The following CDK14 variants were observed in gnomAD, a reference collection of about 807,000 sequenced individuals.
The protein encoded by CDK14 is cyclin-dependent kinase 14.
Under a neutral mutation model 60.7 loss-of-function variants are expected in CDK14, and 34 were observed. The ratio of observed to expected loss-of-function variants is 0.56; its 90% CI spans 0.43 to 0.75. The LOEUF (loss-of-function observed/expected upper bound fraction) is 0.75, where lower values mean the gene tolerates loss of function less well. CDK14 is among the 30% of genes least tolerant of loss of function. The probability of loss-of-function intolerance (pLI) is 0.00; values close to 1 mark genes in which losing one functional copy is unlikely to be tolerated. For missense variants in CDK14, 482 were observed against 564.1 expected, an observed-to-expected ratio of 0.85 and a Z score of 1.47; for synonymous variants, 197 against 203.7, an observed-to-expected ratio of 0.97 and a Z score of 0.28.
At chr7:90,934,673 T>A (rs1793696530) in intron 8 of CDK14, among the ~76,000 whole-genome samples, 1 of 152,250 alleles carries the variant, frequency 6.6e-6, no homozygotes, top group Admixed American at 6.5e-5. Context: ...AATTCAGTGA[T>A]CTATTTTAGC....
chr7:90,955,917 G>A lies in CDK14; in HGVS notation c.947+100G>A, dbSNP rs137914774. ...AACAGTTTGAATGAAGATTAATGGTGCAGGAGTGTTTGCCTGCATGTGGCC... is the reference window on the plus strand; with the variant it reads ...AACAGTTTGAATGAAGATTAATGGTACAGGAGTGTTTGCCTGCATGTGGCC... On this transcript the variant is annotated intron_variant, in intron 9 of 14. Coordinates refer to ENST00000380050, the MANE Select transcript of CDK14 (RefSeq NM_001287135.2). The A allele has an allele frequency of 2.1e-5, 30 of 1,407,846 alleles. No homozygotes were observed. In the African/African-American group the frequency reaches 2.6e-4, roughly 12 times the overall value. 87.2% of individuals were successfully genotyped at this position (1,407,846 alleles called of 1,614,324 possible).
chr7:91,181,593 A>G (rs371706594), intron 14 of CDK14, among the ~76,000 whole-genome samples: 2 of 152,250 alleles, frequency 1.3e-5, no homozygotes, highest in African/African-American at 4.8e-5. Flanking sequence ...TCCCCTTATT[A>G]TGTTATTTTG....
intron 4 of CDK14, among the ~76,000 whole-genome samples, chr7:90,781,835 T>G (rs1260626759): frequency 6.6e-6 from 1 of 152,232 alleles, no homozygotes; most frequent in Non-Finnish European, 1.5e-5. Flanking sequence ...TAGTGTAGTT[T>G]GAAGTCAGGT....
chr7:90,761,013 G>T (rs1804292595), intron 4 of CDK14, among the ~76,000 whole-genome samples: 1 of 152,208 alleles, frequency 6.6e-6, no homozygotes, highest in Non-Finnish European at 1.5e-5. Context: ...AGACATTAGA[G>T]TCTGGTTCAT....
chr7:90,671,595 T>G (rs1245348177), intron 2 of CDK14, among the ~76,000 whole-genome samples: 1 of 152,076 alleles, frequency 6.6e-6, no homozygotes, highest in Non-Finnish European at 1.5e-5. Flanking sequence ...GATAGCAAGC[T>G]CGTATATTTT....
chr7:90,973,041 C>T lies in CDK14; in HGVS notation c.948-11107C>T, dbSNP rs994376946. On this transcript the variant is annotated intron_variant, in intron 9 of 14. Transcript: ENST00000380050. ...GATACATAGGATTTGAGGAAATTTC[C>T]GATGCCAGCATAATGTTGAAAGGCA... Among the ~76,000 whole-genome samples, 11 of 152,110 alleles carry T rather than the reference C, an allele frequency of 7.2e-5. No homozygotes were observed. The East Asian group carries it at 1.7e-3, about 24-fold the overall frequency.
intron 14 of CDK14, among the ~76,000 whole-genome samples, chr7:91,145,681 C>A (rs992646354): frequency 6.6e-6 from 1 of 152,310 alleles, no homozygotes; most frequent in South Asian, 2.1e-4. Context: ...ATTCAGTGAG[C>A]AGGCATAACT....
chr7:91,119,905 T>C (rs1378171298), intron 14 of CDK14, among the ~76,000 whole-genome samples: 1 of 152,196 alleles, frequency 6.6e-6, no homozygotes, highest in East Asian at 1.9e-4. Context: ...TCGGTTGCAT[T>C]TGTACTCCCA....
chr7:91,049,177 T>A (rs1797322042), intron 11 of CDK14, among the ~76,000 whole-genome samples: 1 of 152,188 alleles, frequency 6.6e-6, no homozygotes, highest in Admixed American at 6.5e-5. Context: ...CCGCCATGCC[T>A]GGCTGAGTTC....
At chr7:90,855,517 T>A (rs1790792717) in intron 5 of CDK14, among the ~76,000 whole-genome samples, 1 of 152,240 alleles carries the variant, frequency 6.6e-6, no homozygotes, top group South Asian at 2.1e-4. Context: ...ATGTAGGATA[T>A]TAAATTATTT....
chr7:90,850,254 C>A (rs1790605512), intron 5 of CDK14, among the ~76,000 whole-genome samples: 1 of 150,434 alleles, frequency 6.6e-6, no homozygotes, highest in African/African-American at 2.5e-5. Flanking sequence ...ATGCTAGATA[C>A]TGTGCTCCTT....
chr7:90,837,095 G>T (rs902743049), intron 5 of CDK14, among the ~76,000 whole-genome samples: 1 of 152,132 alleles, frequency 6.6e-6, no homozygotes, highest in African/African-American at 2.4e-5. Flanking sequence ...CAGAGTAGGA[G>T]TTAGTTTTAG....
intron 9 of CDK14, among the ~76,000 whole-genome samples, chr7:90,975,744 G>T (rs1477456093): frequency 6.6e-6 from 1 of 151,870 alleles, no homozygotes; most frequent in Non-Finnish European, 1.5e-5. Flanking sequence ...TTACTTCTAT[G>T]ACATTGACTT....
chr7:90,769,953 C>G (rs1804719906), intron 4 of CDK14, among the ~76,000 whole-genome samples: 1 of 152,226 alleles, frequency 6.6e-6, no homozygotes, highest in South Asian at 2.1e-4. Flanking sequence ...GCCATATAAA[C>G]ATGAATTTTC....
intron 14 of CDK14, among the ~76,000 whole-genome samples, chr7:91,188,050 AG>A (rs1420582477): frequency 6.6e-6 from 1 of 152,164 alleles, no homozygotes; most frequent in African/African-American, 2.4e-5. Context: ...TTGATTTTAC[AG>A]GCTGTTCTTT....
intron 6 of CDK14, among the ~76,000 whole-genome samples, chr7:90,898,533 T>C (rs1036889106): frequency 1.3e-5 from 2 of 152,094 alleles, no homozygotes; most frequent in Non-Finnish European, 2.9e-5. Context: ...ATAAATCTTA[T>C]AGTACACTCC....
chr7:90,979,591 A>T (rs1035298123), intron 9 of CDK14: 1 of 152,234 alleles, frequency 6.6e-6, no homozygotes, highest in Non-Finnish European at 1.5e-5. Flanking sequence ...CCCAAAATTA[A>T]CAACAGTCCT....
Position 90,795,341 on chromosome 7 carries a change from G to A in CDK14, c.544+4689G>A, listed in dbSNP as rs183511779. On this transcript the variant is annotated intron_variant, in intron 5 of 14. Coordinates refer to ENST00000380050, the MANE Select transcript of CDK14 (RefSeq NM_001287135.2). ...TGTGCTTATGCTGATTCTGTACATAGATGTGAGCACCACTCTTCAGTGTGT... is the reference window on the plus strand; with the variant it reads ...TGTGCTTATGCTGATTCTGTACATAAATGTGAGCACCACTCTTCAGTGTGT... Among the ~76,000 whole-genome samples, 23 of 152,154 alleles carry A rather than the reference G, an allele frequency of 1.5e-4. No individual in the cohort carries two copies. The East Asian group carries it at 4.4e-3, about 29-fold the overall frequency.
At chr7:90,792,606 T>G (rs1377129324) in intron 5 of CDK14, among the ~76,000 whole-genome samples, 1 of 152,106 alleles carries the variant, frequency 6.6e-6, no homozygotes, top group Non-Finnish European at 1.5e-5. Context: ...CCCTGTTGAT[T>G]ACCTCTCTAA....
Sources: allele counts gnomAD v4.1 joint callset (sites outside exome capture counted in the v4.1 genomes callset), GRCh38; gene constraint gnomAD v4.1.1; transcripts MANE v1.5; gene names NCBI Gene and HGNC (gene_info 2026-07-23, HGNC 2026-07-21).